Variants in FHIT observed in about 807,000 individuals in gnomAD.
FHIT encodes fragile histidine triad diadenosine triphosphatase.
In FHIT, 19 loss-of-function variants were observed where a neutral mutation model predicts 17.9. The ratio of observed to expected loss-of-function variants is 1.06; its 90% CI spans 0.74 to 1.56. FHIT has a LOEUF of 1.56. FHIT is among the 40% of genes most tolerant of loss of function. FHIT has a pLI of 0.00. For missense variants in FHIT, 248 were observed against 189.2 expected, an observed-to-expected ratio of 1.31 and a Z score of -1.82; for synonymous variants, 81 against 69.7, an observed-to-expected ratio of 1.16 and a Z score of -0.81.
intron 5 of FHIT, among the ~76,000 whole-genome samples, chr3:60,266,053 A>T (rs573275160): frequency 6.6e-6 from 1 of 152,180 alleles, no homozygotes; most frequent in South Asian, 2.1e-4. Context: ...ACTCCTAGTT[A>T]TACACCCAAG....
chr3:60,830,061 C>T (rs1553742083), intron 3 of FHIT, among the ~76,000 whole-genome samples: 1 of 152,086 alleles, frequency 6.6e-6, no homozygotes, highest in East Asian at 1.9e-4. Flanking sequence ...TCCTGGGCAT[C>T]CCTCCACAAC....
At chr3:60,862,774 C>T (rs1189275391) in intron 3 of FHIT, among the ~76,000 whole-genome samples, 1 of 151,776 alleles carries the variant, frequency 6.6e-6, no homozygotes, top group African/African-American at 2.4e-5. Flanking sequence ...ATTGCTTGAA[C>T]CCGGGAGGCA....
At chr3:60,434,979 A>C (rs2030079442) in intron 5 of FHIT, among the ~76,000 whole-genome samples, 1 of 152,130 alleles carries the variant, frequency 6.6e-6, no homozygotes, top group Non-Finnish European at 1.5e-5. Flanking sequence ...TGTATCAAAG[A>C]TCTTCTTTTT....
intron 4 of FHIT, among the ~76,000 whole-genome samples, chr3:60,656,910 G>A (rs77425695): frequency 6.6e-6 from 1 of 152,064 alleles, no homozygotes; most frequent in East Asian, 1.9e-4. Flanking sequence ...ATTGAAAGAG[G>A]TGGTTTGCAG....
intron 5 of FHIT, among the ~76,000 whole-genome samples, chr3:60,063,614 A>G (rs567859944): frequency 4.5e-4 from 69 of 152,274 alleles, no homozygotes; most frequent in African/African-American, 1.5e-3. Context: ...GAATGAAGAG[A>G]TTTTCCTTCT....
chr3:60,392,992 C>G (rs1159934031), intron 5 of FHIT, among the ~76,000 whole-genome samples: 1 of 152,122 alleles, frequency 6.6e-6, no homozygotes, highest in African/African-American at 2.4e-5. Context: ...ACCTCTCCAC[C>G]ATGACAATGC....
intron 2 of FHIT, among the ~76,000 whole-genome samples, chr3:61,183,402 A>G (rs1248993879): frequency 2.0e-5 from 3 of 152,196 alleles, no homozygotes. Context: ...TCCCAACCTC[A>G]TCTAAAGTTA....
In FHIT at chr3:60,018,022, G is replaced by A. The variant is rs549395234; in HGVS notation, c.104-3870C>T. ...TTTGTGTTGTTATAAAAGAACACCT[G>A]AAGCTGGGTCGTTTACAAAGAAAAG... is the stretch of plus-strand genomic sequence containing the variant. On this transcript the variant is annotated intron_variant, in intron 5 of 9. Coordinates refer to ENST00000492590, the MANE Select transcript of FHIT (RefSeq NM_002012.4). Among the ~76,000 whole-genome samples the A allele has an allele frequency of 5.3e-5, 8 of 152,324 alleles. No individual in the cohort carries two copies. The East Asian group carries it at 1.5e-3, about 29-fold the overall frequency.
chr3:61,044,962 T>G (rs2886255), intron 2 of FHIT, among the ~76,000 whole-genome samples: 87,357 of 152,074 alleles, frequency 0.57, 27,826 homozygotes, highest in East Asian at 0.86. Context: ...AGGCCTGCCT[T>G]ACAAGAGCTC....
chr3:60,696,541 T>C (rs1685726060), intron 4 of FHIT, among the ~76,000 whole-genome samples: 1 of 152,264 alleles, frequency 6.6e-6, no homozygotes, highest in Non-Finnish European at 1.5e-5. Context: ...ATGGTTGCTC[T>C]TCAAAGCAAC....
At chr3:60,660,729 C>CTTTTTT in intron 4 of FHIT, among the ~76,000 whole-genome samples, 697 of 37,224 alleles carry the variant, frequency 0.019, 147 homozygotes, top group Non-Finnish European at 0.024. Flanking sequence ...TTATTGTGCT[C>CTTTTTT]TTTTTTTTTT....
chr3:60,915,935 C>A (rs1336999393), intron 3 of FHIT, among the ~76,000 whole-genome samples: 3 of 152,092 alleles, frequency 2.0e-5, no homozygotes, highest in Admixed American at 6.5e-5. Context: ...TGTCTTCCCA[C>A]TCATGCTGTT....
intron 4 of FHIT, among the ~76,000 whole-genome samples, chr3:60,679,686 T>A (rs1462910446): frequency 6.6e-6 from 1 of 152,068 alleles, no homozygotes; most frequent in African/African-American, 2.4e-5. Flanking sequence ...TTTGCCTGCA[T>A]CTCTATTTCT....
rs1306140296 is a variant in FHIT at position 60,861,945 on chromosome 3, A to C, written c.-110-39934T>G. On this transcript the variant is annotated intron_variant, in intron 3 of 9. Transcript: ENST00000492590. ...GCAACAGACCAAGACTCGGTCTCAA[A>C]AAAAAAAAAAAAAAGGCCGGTTTGA... is the stretch of plus-strand genomic sequence containing the variant. Among the ~76,000 whole-genome samples, 117 of 150,762 alleles carry C rather than the reference A, an allele frequency of 7.8e-4. 1 individual carries two copies. The highest frequency in any genetic ancestry group is 2.7e-3 in the African/African-American group (113 of 41,286).
At chr3:60,027,192 G>A (rs1187488531) in intron 5 of FHIT, among the ~76,000 whole-genome samples, 1 of 145,748 alleles carries the variant, frequency 6.9e-6, no homozygotes, top group Non-Finnish European at 1.5e-5. Flanking sequence ...ATAAAAATAT[G>A]AACTTACAAG....
intron 5 of FHIT, among the ~76,000 whole-genome samples, chr3:60,104,634 A>G (rs896443163): frequency 3.3e-5 from 5 of 152,294 alleles, no homozygotes; most frequent in African/African-American, 1.2e-4. Context: ...AGATGAAAAT[A>G]ACAATGAAAC....
At position 60,859,723 on chromosome 3, in the gene FHIT, A is replaced by ATTTTTTTT. The variant is rs71092647; in HGVS notation, c.-110-37720_-110-37713dup. Among the ~76,000 whole-genome samples, 103 of 51,922 alleles carry ATTTTTTTT rather than the reference A, an allele frequency of 2.0e-3. 17 individuals carry two copies. Among genetic ancestry groups the ATTTTTTTT allele is most frequent in the Non-Finnish European group, 2.6e-3 (76 of 29,368 alleles). 34.1% of individuals were successfully genotyped at this position (51,922 alleles called of 152,430 possible). A position where few individuals can be genotyped will look rare whatever the true frequency, so the allele number is the denominator to read the frequency against. On this transcript the variant is annotated intron_variant, in intron 3 of 9. Transcript: ENST00000492590. Reference sequence around the variant, plus strand: ...ACATTTGCAGTGGATTCTGAATACGATTTTTTTTTTTTTTTTTTTTTTTTT... The same window carrying ATTTTTTTT: ...ACATTTGCAGTGGATTCTGAATACGATTTTTTTTTTTTTTTTTTTTTTTTTTTTTTTTT...
chr3:60,268,112 A>C (rs1706679055), intron 5 of FHIT, among the ~76,000 whole-genome samples: 1 of 152,132 alleles, frequency 6.6e-6, no homozygotes, highest in Non-Finnish European at 1.5e-5. Flanking sequence ...TTGAAGTCTA[A>C]ATGGGCAAAC....
At chr3:60,118,149 C>T (rs1705065227) in intron 5 of FHIT, among the ~76,000 whole-genome samples, 1 of 152,074 alleles carries the variant, frequency 6.6e-6, no homozygotes. Context: ...TTCTGTTGCC[C>T]AGGCTGGAGT....
Sources: gnomAD v4.1 joint callset for allele counts (sites outside exome capture counted in the v4.1 genomes callset) on GRCh38, gnomAD v4.1.1 for gene constraint, MANE v1.5 for transcripts, NCBI Gene and HGNC (gene_info 2026-07-23, HGNC 2026-07-21) for gene names.